The following ARAP1 variants were observed in gnomAD, a reference collection of about 807,000 sequenced individuals.
ARAP1 encodes the protein ArfGAP with RhoGAP domain, ankyrin repeat and PH domain 1.
In ARAP1, 76 loss-of-function variants were observed where a neutral mutation model predicts 172.2. The observed-to-expected ratio is 0.44, with a 90% CI of 0.37 to 0.53. The LOEUF is 0.53. ARAP1 is among the 20% of genes least tolerant of loss of function. The pLI is 0.00. For missense variants in ARAP1, 1,686 were observed against 1,977.5 expected (o/e 0.85, Z 2.80); for synonymous variants, 804 against 803.3 (o/e 1.00, Z -0.01).
chr11:72,713,343 C>T lies in ARAP1; in HGVS notation c.680-100G>A, dbSNP rs1857120396. 37 of 1,063,692 alleles carry T rather than the reference C, an allele frequency of 3.5e-5. No individual in the cohort carries two copies. In the South Asian group the frequency reaches 4.6e-4, roughly 13 times the overall value. 65.9% of individuals were successfully genotyped at this position (1,063,692 alleles called of 1,614,324 possible). A position where few individuals can be genotyped will look rare whatever the true frequency, so the allele number is the denominator to read the frequency against. On this transcript the variant is annotated intron_variant, in intron 4 of 34. Transcript: ENST00000393609. ...ACAAAGCCTCCCCCATGCCAAGACC[C>T]CCATCCCCACCTCCCCCTGGCTTTC...
Position 72,711,120 on chromosome 11 carries a change from T to C in ARAP1, c.1114A>G (p.Ile372Val), listed in dbSNP as rs1436723089. Residue 372 changes from isoleucine (I) to valine (V), a missense_variant, in exon 9 of 35, where the codon ATC (isoleucine) becomes GTC (valine). Physicochemically the swap from Ile to Val is conservative, Grantham distance 29. Coordinates refer to ENST00000393609, the MANE Select transcript of ARAP1 (RefSeq NM_001040118.3). ...ACGTGGGAGATGCAGGCCACAGAGA[T>C]AAAGCGCTTAGAGTAAGCGTCCTGG... ...SNKDAYSKRF[I>V]SVACISHVAA... is the part of the protein sequence containing the mutation. 3 of 1,613,910 alleles carry C rather than the reference T, an allele frequency of 1.9e-6. No homozygotes were observed. The highest frequency in any genetic ancestry group is 2.5e-6 in the Non-Finnish European group (3 of 1,180,002).
chr11:72,735,907 A>T (rs1858007893), intron 1 of ARAP1, among the ~76,000 whole-genome samples: 1 of 152,190 alleles, frequency 6.6e-6, no homozygotes, highest in Non-Finnish European at 1.5e-5. Context: ...GCCCTCCAGG[A>T]ACCTCAGGCT....
Position 72,750,462 on chromosome 11 carries a change from C to T in ARAP1, c.-128+1866G>A, listed in dbSNP as rs139311935. ...CAGCCGATGCCCTAGGCCTGGTCCA[C>T]CACTAGCCCCCGATACTCTCAGACA... On this transcript the variant is annotated intron_variant, in intron 1 of 34. Transcript: ENST00000393609. Among the ~76,000 whole-genome samples the T allele has an allele frequency of 4.4e-3, 670 of 152,266 alleles. 5 individuals are homozygous for T. Among genetic ancestry groups the T allele is most frequent in the African/African-American group, 0.016 (647 of 41,544 alleles).
rs1029972875 is a variant in ARAP1, at chr11:72,701,713, G to A, written c.2238C>T (p.His746=). ...HYSVVLPTVS[H]SGFLYKTASA... is the part of the protein sequence containing the mutation. The stretch of plus-strand genomic sequence containing the variant: ...AGGCAGTCTTGTAGAGGAAGCCACT[G>A]TGGCTCACGGTCGGCAGGACAACTG... The change falls in exon 16 of 35, where the codon CAC becomes CAT. Residue 746 remains histidine, a synonymous_variant. Transcript: ENST00000393609. 9 of 1,613,900 alleles carry A rather than the reference G, an allele frequency of 5.6e-6. No individual in the cohort carries two copies. The African/African-American group carries it at 8.0e-5, about 14-fold the overall frequency.
chr11:72,752,202 A>G (rs2135601671), intron 1 of ARAP1, 126 bp downstream of exon 1: 1 of 152,408 alleles, frequency 6.6e-6, no homozygotes, highest in Middle Eastern at 3.4e-3. Flanking sequence ...AAAGGTAAAC[A>G]GACAAGATGA....
At chr11:72,698,681 G>A (rs955675750) in intron 18 of ARAP1, among the ~76,000 whole-genome samples, 2 of 152,164 alleles carry the variant, frequency 1.3e-5, no homozygotes, top group African/African-American at 2.4e-5. Context: ...TCGCCTCCAG[G>A]AACGAGGAGC....
At chr11:72,713,279 G>A (rs1487141271) in intron 4 of ARAP1, 36 bp from the exon 5 acceptor site, 7 of 1,596,210 alleles carry the variant, frequency 4.4e-6, no homozygotes, top group Non-Finnish European at 6.0e-6. Flanking sequence ...TCAGGGCAAG[G>A]GGCCTGGCCT....
chr11:72,710,794 C>A lies in ARAP1; in HGVS notation c.1214-207G>T, dbSNP rs898163004. Among the ~76,000 whole-genome samples, 1 of 152,334 alleles carries A rather than the reference C, an allele frequency of 6.6e-6. No homozygotes were observed. The highest frequency in any genetic ancestry group is 1.5e-5 in the Non-Finnish European group (1 of 68,008). On this transcript the variant is annotated intron_variant, in intron 9 of 34. Coordinates refer to ENST00000393609, the MANE Select transcript of ARAP1 (RefSeq NM_001040118.3). This position sits in a 1 kb window ranked among gnomAD's most constrained non-coding sequence, Gnocchi z 4.3. ...GGGCAAGTGACCTCACCCCTCCAAG[C>A]CTGCTCCCGCTGATTGTGTGGTTCT... is the stretch of plus-strand genomic sequence containing the variant.
Position 72,687,513 on chromosome 11 carries a change from G to A in ARAP1, c.4122-11C>T. The A allele has an allele frequency of 1.2e-6, 2 of 1,614,118 alleles. No individual in the cohort carries two copies. Among genetic ancestry groups the A allele is most frequent in the Non-Finnish European group, 1.7e-6 (2 of 1,180,014 alleles). On this transcript the variant is annotated splice_polypyrimidine_tract_variant and intron_variant, in intron 32 of 34. Transcript: ENST00000393609. ...TCACAGCAGAGGTACCTGCAGGGTT[G>A]GACGCGGACCCACATGATGCCAAAG...
chr11:72,748,958 G>A (rs895685379), intron 1 of ARAP1, among the ~76,000 whole-genome samples: 1 of 152,162 alleles, frequency 6.6e-6, no homozygotes, highest in African/African-American at 2.4e-5. Flanking sequence ...ATGCTGTTCA[G>A]AACCCTGGAG....
At chr11:72,688,013 T>G (rs904979502) in intron 31 of ARAP1, among the ~76,000 whole-genome samples, 35 of 152,228 alleles carry the variant, frequency 2.3e-4, no homozygotes, top group African/African-American at 4.8e-4. Context: ...TGTTGTTTTT[T>G]TTTTGAGATA....
chr11:72,699,140 C>T lies in ARAP1; in HGVS notation c.2439-33G>A, dbSNP rs745835622. 4.4e-6 allele frequency: 7 copies of T among 1,608,406 alleles called. No individual in the cohort carries two copies. The highest frequency in any genetic ancestry group is 4.3e-6 in the Non-Finnish European group (5 of 1,175,414). Reference sequence around the variant, plus strand: ...TACACAGGCCAGGACTCAGGCCCACCTCATCCAGCACGGGCCCACCCCCAA... The same window carrying T: ...TACACAGGCCAGGACTCAGGCCCACTTCATCCAGCACGGGCCCACCCCCAA... On this transcript the variant is annotated intron_variant, in intron 17 of 34. Transcript: ENST00000393609. This position sits in a 1 kb window ranked among gnomAD's most constrained non-coding sequence, Gnocchi z 4.2.
chr11:72,685,623 T>G lies in ARAP1; in HGVS notation c.*41A>C. On this transcript the variant is annotated 3_prime_UTR_variant, in exon 35 of 35. Transcript: ENST00000393609. Reference sequence around the variant, plus strand: ...ATAAGGGGTGTCTGAACAGAAGGCTTCCAGCGGCGGAATCCTAGAGCCAAG... The same window carrying G: ...ATAAGGGGTGTCTGAACAGAAGGCTGCCAGCGGCGGAATCCTAGAGCCAAG... 6.2e-7 allele frequency: 1 copy of G among 1,614,090 alleles called. No individual in the cohort carries two copies. The highest frequency in any genetic ancestry group is 8.5e-7 in the Non-Finnish European group (1 of 1,179,962).
chr11:72,685,800 C>T (rs1363313373), intron 34 of ARAP1, 119 bp from the exon 35 acceptor site: 1 of 1,443,620 alleles, frequency 6.9e-7, no homozygotes, highest in South Asian at 1.2e-5. Context: ...GCACTCCAAT[C>T]AGCCAGGCTC....
At chr11:72,730,616 C>A (rs531002456) in intron 2 of ARAP1, among the ~76,000 whole-genome samples, 3 of 152,302 alleles carry the variant, frequency 2.0e-5, no homozygotes, top group Admixed American at 2.0e-4. Context: ...AGGAGAATCG[C>A]TTGAACCCAG....
intron 5 of ARAP1, 134 bp downstream of exon 5, chr11:72,713,042 G>T: frequency 2.1e-6 from 2 of 933,532 alleles, no homozygotes; most frequent in South Asian, 1.5e-5. Flanking sequence ...TATGGCAAGA[G>T]AGTGAGGTGG....
chr11:72,748,968 G>A (rs1858454725), intron 1 of ARAP1, among the ~76,000 whole-genome samples: 1 of 152,204 alleles, frequency 6.6e-6, no homozygotes, highest in Non-Finnish European at 1.5e-5. Context: ...GAACCCTGGA[G>A]TGGCCACCCT....
chr11:72,721,007 C>T (rs557193799), intron 3 of ARAP1, among the ~76,000 whole-genome samples: 1 of 152,172 alleles, frequency 6.6e-6, no homozygotes, highest in East Asian at 1.9e-4. Flanking sequence ...CTCCTGAGGG[C>T]AGCAGCAGGA....
At chr11:72,687,390 T>C (rs1565207359) in intron 33 of ARAP1, 49 bp downstream of exon 33, 2 of 1,609,662 alleles carry the variant, frequency 1.2e-6, no homozygotes, top group Non-Finnish European at 1.7e-6. Context: ...TTCTCCATAA[T>C]GGAAGCCTCC....
Sources: gnomAD v4.1 joint callset for allele counts (sites outside exome capture counted in the v4.1 genomes callset) on GRCh38, gnomAD v4.1.1 for gene constraint, Gnocchi (gnomAD v3.1) non-coding constraint, MANE v1.5 for transcripts, NCBI Gene and HGNC (gene_info 2026-07-23, HGNC 2026-07-21) for gene names.